Variants in VPS13B observed in about 807,000 individuals in gnomAD.
VPS13B encodes the protein intermembrane lipid transfer protein VPS13B.
A neutral mutation model predicts 426.4 loss-of-function variants in VPS13B; 285 were observed. That is an observed-to-expected ratio of 0.67 (90% confidence interval 0.61 to 0.74). VPS13B has a LOEUF of 0.74. VPS13B is among the 30% of genes least tolerant of loss of function. The pLI is 0.00. For missense variants in VPS13B, 4,537 were observed against 4,782.6 expected (o/e 0.95, Z 1.51); for synonymous variants, 1,676 against 1,676.4 (o/e 1.00, Z 0.01).
chr8:99,276,753 A>G (rs1818917968), intron 19 of VPS13B, among the ~76,000 whole-genome samples: 1 of 152,074 alleles, frequency 6.6e-6, no homozygotes, highest in African/African-American at 2.4e-5. Context: ...TGTTTAGTAA[A>G]CTTCTTTATA....
At chr8:99,716,223 A>G (rs754013372) in intron 36 of VPS13B, among the ~76,000 whole-genome samples, 2 of 152,180 alleles carry the variant, frequency 1.3e-5, no homozygotes, top group Non-Finnish European at 2.9e-5. Flanking sequence ...AACATATATG[A>G]AATTTTCAAG....
intron 3 of VPS13B, among the ~76,000 whole-genome samples, chr8:99,042,292 A>G (rs576203320): frequency 6.8e-4 from 103 of 152,280 alleles, no homozygotes; most frequent in African/African-American, 2.3e-3. Flanking sequence ...AACTTCTTTT[A>G]AAATCATTTT....
At chr8:99,761,427 CT>C (rs1326519573) in intron 39 of VPS13B, among the ~76,000 whole-genome samples, 1 of 152,212 alleles carries the variant, frequency 6.6e-6, no homozygotes, top group East Asian at 1.9e-4. Context: ...TTCATTGCCC[CT>C]AGGCTACCTA....
chr8:99,593,437 A>G (rs1826797727), intron 33 of VPS13B, among the ~76,000 whole-genome samples: 1 of 152,012 alleles, frequency 6.6e-6, no homozygotes, highest in Non-Finnish European at 1.5e-5. Context: ...ATGGAGAAAA[A>G]CGGAATGCTT....
chr8:99,445,117 T>C (rs1817849224), intron 23 of VPS13B, among the ~76,000 whole-genome samples: 1 of 151,816 alleles, frequency 6.6e-6, no homozygotes, highest in Non-Finnish European at 1.5e-5. Context: ...CCCTTACACA[T>C]GATTTGCAAG....
chr8:99,740,755 A>T (rs200150434), intron 39 of VPS13B, among the ~76,000 whole-genome samples: 2 of 152,152 alleles, frequency 1.3e-5, no homozygotes, highest in Admixed American at 6.6e-5. Context: ...ATAGAATACT[A>T]TACAGACAAG....
intron 35 of VPS13B, among the ~76,000 whole-genome samples, chr8:99,695,333 T>C (rs1209187812): frequency 6.8e-6 from 1 of 147,800 alleles, no homozygotes; most frequent in Non-Finnish European, 1.5e-5. Flanking sequence ...ATTAAGAAAA[T>C]GTGGCACATA....
At chr8:99,262,357 G>A (rs971654066) in intron 17 of VPS13B, among the ~76,000 whole-genome samples, 1 of 152,088 alleles carries the variant, frequency 6.6e-6, no homozygotes, top group African/African-American at 2.4e-5. Context: ...AATAATAAAA[G>A]TACCTCTACC....
intron 43 of VPS13B, among the ~76,000 whole-genome samples, chr8:99,797,437 A>T (rs566943267): frequency 6.6e-6 from 1 of 152,230 alleles, no homozygotes; most frequent in African/African-American, 2.4e-5. Flanking sequence ...AAGTTTTGGG[A>T]TTTCTCAAGA....
Position 99,192,870 on chromosome 8 carries a change from G to T in VPS13B, c.2334-6G>T. 1 of 1,612,318 alleles carries T rather than the reference G, an allele frequency of 6.2e-7. No homozygotes were observed. Among genetic ancestry groups the T allele is most frequent in the Non-Finnish European group, 8.5e-7 (1 of 1,179,640 alleles). On this transcript the variant is annotated splice_region_variant and splice_polypyrimidine_tract_variant and intron_variant, in intron 16 of 61. Transcript: ENST00000357162. ...GTATTGCGATTCTTTCTGTTTTCTTGTGCAGGACCAAAAGATCTCAGATTG... is the reference window on the plus strand; with the variant it reads ...GTATTGCGATTCTTTCTGTTTTCTTTTGCAGGACCAAAAGATCTCAGATTG...
At chr8:99,373,783 A>G (rs182609147) in intron 19 of VPS13B, among the ~76,000 whole-genome samples, 4 of 152,312 alleles carry the variant, frequency 2.6e-5, no homozygotes, top group Non-Finnish European at 5.9e-5. Context: ...TTGAGGCTAC[A>G]GTGAGCTGTG....
chr8:99,661,100 A>G (rs1588598464), intron 34 of VPS13B, among the ~76,000 whole-genome samples: 2 of 152,260 alleles, frequency 1.3e-5, no homozygotes, highest in Middle Eastern at 6.8e-3. Context: ...CATTTGTGAT[A>G]TGAATTCAGA....
At chr8:99,301,957 C>T (rs1302384985) in intron 19 of VPS13B, among the ~76,000 whole-genome samples, 3 of 152,080 alleles carry the variant, frequency 2.0e-5, no homozygotes, top group South Asian at 4.1e-4. Flanking sequence ...TAAATGTATT[C>T]TTTCTTGTGA....
chr8:99,273,507 G>A (rs528166481), intron 17 of VPS13B, among the ~76,000 whole-genome samples: 10 of 152,110 alleles, frequency 6.6e-5, no homozygotes, highest in South Asian at 6.2e-4. Context: ...CACCTAGGCC[G>A]GGCCTGGTGG....
chr8:99,057,910 ACT>A (rs1052951153), intron 3 of VPS13B, among the ~76,000 whole-genome samples: 5 of 152,194 alleles, frequency 3.3e-5, no homozygotes, highest in South Asian at 4.2e-4. Flanking sequence ...CATTTTTCAC[ACT>A]GTCTCTAGAC....
Position 99,657,562 on chromosome 8 carries a change from A to T in VPS13B, c.5909-3792A>T, listed in dbSNP as rs545165666. The stretch of plus-strand genomic sequence containing the variant: ...TCCTATTTCATTGTTTTATTCACTG[A>T]TCAATATATTTTTAAGCTCTTCTCT... On this transcript the variant is annotated intron_variant, in intron 34 of 61. Transcript: ENST00000357162. Among the ~76,000 whole-genome samples the T allele has an allele frequency of 1.1e-4, 16 of 151,106 alleles. No individual in the cohort carries two copies. The East Asian group carries it at 1.6e-3, about 15-fold the overall frequency.
At chr8:99,309,857 T>C (rs1472297304) in intron 19 of VPS13B, among the ~76,000 whole-genome samples, 1 of 152,226 alleles carries the variant, frequency 6.6e-6, no homozygotes, top group Non-Finnish European at 1.5e-5. Flanking sequence ...TTTTATTTTG[T>C]TGAGCAGTGG....
intron 3 of VPS13B, among the ~76,000 whole-genome samples, chr8:99,060,468 G>C (rs1049453631): frequency 1.3e-5 from 2 of 152,030 alleles, no homozygotes; most frequent in African/African-American, 2.4e-5. Flanking sequence ...AATTAGCCGG[G>C]TGTGGTGGCA....
intron 23 of VPS13B, among the ~76,000 whole-genome samples, chr8:99,453,855 C>T (rs1818321884): frequency 6.6e-6 from 1 of 152,150 alleles, no homozygotes; most frequent in Admixed American, 6.5e-5. Context: ...ACTGATGAAC[C>T]TACAGGGATA....
Sources: gnomAD v4.1 joint callset for allele counts (sites outside exome capture counted in the v4.1 genomes callset) on GRCh38, gnomAD v4.1.1 for gene constraint, MANE v1.5 for transcripts, NCBI Gene and HGNC (gene_info 2026-07-23, HGNC 2026-07-21) for gene names.